LDLRAD4: variants seen among roughly 807,000 people sequenced by gnomAD.
The protein encoded by LDLRAD4 is low-density lipoprotein receptor class A domain-containing protein 4.
A neutral mutation model predicts 17.0 loss-of-function variants in LDLRAD4; 5 were observed. The observed-to-expected ratio is 0.29, with a 90% CI of 0.15 to 0.62. The LOEUF is 0.62. Among genes scored for constraint, LDLRAD4 ranks in the 20% least tolerant of loss-of-function variants. The pLI is 0.84. For synonymous variants in LDLRAD4, 168 were observed against 171.8 expected (o/e 0.98, Z 0.17); for missense variants, 340 against 424.7 (o/e 0.80, Z 1.75).
At chr18:13,233,357 A>G (rs2042175922) in intron 1 of LDLRAD4, among the ~76,000 whole-genome samples, 1 of 152,162 alleles carries the variant, frequency 6.6e-6, no homozygotes. Flanking sequence ...TGGGTTGGCA[A>G]GGTTGGCAGA....
chr18:13,266,815 C>T (rs2044247267), intron 1 of LDLRAD4, among the ~76,000 whole-genome samples: 1 of 152,246 alleles, frequency 6.6e-6, no homozygotes. Flanking sequence ...GTTTCAGTCA[C>T]AGCCTCAGAG....
At chr18:13,282,760 C>T (rs2045358715) in intron 1 of LDLRAD4, among the ~76,000 whole-genome samples, 1 of 152,220 alleles carries the variant, frequency 6.6e-6, no homozygotes, top group Non-Finnish European at 1.5e-5. Flanking sequence ...GATGGTGGCC[C>T]TCTTCTCCCA....
intron 3 of LDLRAD4, chr18:13,487,943 G>T: frequency 6.5e-6 from 1 of 152,884 alleles, no homozygotes. Flanking sequence ...GGCCTGGTCA[G>T]GGTCTCAGGG....
intron 3 of LDLRAD4, chr18:13,611,237 G>C (rs548340388): frequency 6.4e-6 from 1 of 155,144 alleles, no homozygotes; most frequent in Non-Finnish European, 1.5e-5. Context: ...ACAGAGTTTA[G>C]TTTTGCTTTG....
chr18:13,621,032 T>C lies in LDLRAD4; in HGVS notation c.182-85T>C, dbSNP rs373508517. On this transcript the variant is annotated intron_variant, in intron 3 of 5. Transcript: ENST00000359446. This position sits in a 1 kb window ranked among gnomAD's most constrained non-coding sequence, Gnocchi z 5.5. Reference sequence around the variant, plus strand: ...ACGTGTGTGAGAGGCCTTCAGGGCCTGATGGCTGGGGTGGTGACAGTGCCT... The same window carrying C: ...ACGTGTGTGAGAGGCCTTCAGGGCCCGATGGCTGGGGTGGTGACAGTGCCT... The C allele has an allele frequency of 1.4e-4, 229 of 1,596,174 alleles. 1 individual carries two copies. In the East Asian group the frequency reaches 2.2e-3, roughly 15 times the overall value.
In LDLRAD4 at chr18:13,621,243, G is replaced by A. The variant is rs201851096; in HGVS notation, c.308G>A (p.Ser103Asn). Reference sequence around the variant, plus strand: ...TCCTTCATCAACCGCCCGAACCAGAGCCGGAGGCGGGAGGACGGGCTGCCG... The same window carrying A: ...TCCTTCATCAACCGCCCGAACCAGAACCGGAGGCGGGAGGACGGGCTGCCG... Residue 103 changes from serine (S) to asparagine (N), a missense_variant, in exon 4 of 6, where the codon AGC becomes AAC. Transcript: ENST00000359446. The surrounding 1 kb of genome is among the most constrained non-coding windows in gnomAD (Gnocchi z 5.5). 3.1e-4 allele frequency: 499 copies of A among 1,613,326 alleles called. 1 individual carries two copies. Among genetic ancestry groups the A allele is most frequent in the Admixed American group, 1.2e-4 (7 of 60,018 alleles).
At chr18:13,639,018 TACAA>T (rs2042303575) in intron 4 of LDLRAD4, among the ~76,000 whole-genome samples, 1 of 152,236 alleles carries the variant, frequency 6.6e-6, no homozygotes, top group South Asian at 2.1e-4. Flanking sequence ...GGAAATAGCC[TACAA>T]GACAGGGAAT....
chr18:13,525,815 C>T (rs546985836), intron 3 of LDLRAD4, among the ~76,000 whole-genome samples: 25 of 152,180 alleles, frequency 1.6e-4, no homozygotes, highest in Non-Finnish European at 2.6e-4. Flanking sequence ...CTCTAGGGGG[C>T]GGAATGACCA....
chr18:13,578,581 A>T (rs982890436), intron 3 of LDLRAD4, among the ~76,000 whole-genome samples: 7 of 152,198 alleles, frequency 4.6e-5, no homozygotes, highest in Non-Finnish European at 1.0e-4. Context: ...CCTTCAGCGG[A>T]AGAAGGCGTG....
Position 13,353,030 on chromosome 18 carries a change from A to T in LDLRAD4, c.-382-34311A>T, listed in dbSNP as rs118079571. On this transcript the variant is annotated intron_variant, in intron 1 of 5. Coordinates refer to ENST00000359446, the Ensembl canonical transcript of LDLRAD4. ...CCTGATTTTCTTTAGTACTTAGTCC[A>T]TTTTTCCTCTAGCTCTTTAAGCATA... Among the ~76,000 whole-genome samples the T allele has an allele frequency of 4.7e-4, 72 of 151,902 alleles. 2 individuals carry two copies. In the East Asian group the frequency reaches 0.012, roughly 26 times the overall value.
chr18:13,564,265 T>C (rs2094570879), intron 3 of LDLRAD4, among the ~76,000 whole-genome samples: 1 of 152,198 alleles, frequency 6.6e-6, no homozygotes, highest in Non-Finnish European at 1.5e-5. Flanking sequence ...CCTTTTTCCC[T>C]CCTAAATGGA....
intron 2 of LDLRAD4, among the ~76,000 whole-genome samples, chr18:13,404,603 C>G (rs527953820): frequency 7.0e-4 from 106 of 152,266 alleles, no homozygotes; most frequent in African/African-American, 2.3e-3. Flanking sequence ...CGAGACCATC[C>G]TGGCTTACAT....
At chr18:13,650,617 T>C (rs1401800617) in exon 6 of LDLRAD4, 6 of 367,472 alleles carry the variant, frequency 1.6e-5, no homozygotes, top group Non-Finnish European at 2.9e-5. Flanking sequence ...CAGTTGTCTG[T>C]CTTTTCTTAT....
chr18:13,338,075 C>T (rs892799090), intron 1 of LDLRAD4, among the ~76,000 whole-genome samples: 1 of 152,112 alleles, frequency 6.6e-6, no homozygotes, highest in Non-Finnish European at 1.5e-5. Flanking sequence ...TCAAGTTACC[C>T]CTTTTCCCTT....
chr18:13,327,220 A>G (rs935816196), intron 1 of LDLRAD4, among the ~76,000 whole-genome samples: 4 of 152,058 alleles, frequency 2.6e-5, no homozygotes, highest in African/African-American at 9.7e-5. Flanking sequence ...TGATGGAGCC[A>G]CTTTGGTTAG....
chr18:13,635,798 G>T (rs2042022764), intron 4 of LDLRAD4, among the ~76,000 whole-genome samples: 1 of 152,234 alleles, frequency 6.6e-6, no homozygotes, highest in African/African-American at 2.4e-5. Flanking sequence ...GCCCCTCAGG[G>T]TGGTCCCTGG....
intron 1 of LDLRAD4, among the ~76,000 whole-genome samples, chr18:13,305,603 T>G (rs1199792101): frequency 6.6e-6 from 1 of 152,226 alleles, no homozygotes; most frequent in Middle Eastern, 3.2e-3. Context: ...ATGCTGGAAG[T>G]GCTCCCAAGA....
chr18:13,409,512 A>T (rs1372352154), intron 2 of LDLRAD4, among the ~76,000 whole-genome samples: 1 of 152,226 alleles, frequency 6.6e-6, no homozygotes, highest in Non-Finnish European at 1.5e-5. Context: ...CTATTAACCT[A>T]TTGTATCTTA....
At chr18:13,560,842 A>T (rs1284438) in intron 3 of LDLRAD4, among the ~76,000 whole-genome samples, 5 of 152,198 alleles carry the variant, frequency 3.3e-5, no homozygotes, top group South Asian at 4.2e-4. Context: ...AACAGAGTGC[A>T]GACCTGCGGT....
Sources: allele counts gnomAD v4.1 joint callset (sites outside exome capture counted in the v4.1 genomes callset), GRCh38; gene constraint gnomAD v4.1.1; non-coding constraint Gnocchi (gnomAD v3.1); transcripts MANE v1.5; gene names NCBI Gene and HGNC (gene_info 2026-07-23, HGNC 2026-07-21).